Variants in CAPZB observed in about 807,000 individuals in gnomAD.
CAPZB encodes the protein F-actin-capping protein subunit beta.
CAPZB carries 2 observed loss-of-function variants against 38.1 expected under a neutral mutation model. The ratio of observed to expected loss-of-function variants is 0.05; its 90% confidence interval spans 0.02 to 0.17. CAPZB has a LOEUF of 0.17. Among genes scored for constraint, CAPZB ranks in the 10% least tolerant of loss-of-function variants. CAPZB has a pLI of 1.00. For missense variants in CAPZB, 161 were observed against 334.2 expected (o/e 0.48, Z 4.04); for synonymous variants, 107 against 127.4 (o/e 0.84, Z 1.08).
chr1:19,457,502 A>C (rs1471888432), intron 1 of CAPZB, among the ~76,000 whole-genome samples: 1 of 152,200 alleles, frequency 6.6e-6, no homozygotes, highest in Non-Finnish European at 1.5e-5. Context: ...AGCATATTTA[A>C]GCACATGGCT....
At chr1:19,400,244 C>T (rs2094295905) in intron 2 of CAPZB, among the ~76,000 whole-genome samples, 1 of 151,944 alleles carries the variant, frequency 6.6e-6, no homozygotes. Flanking sequence ...TTTCAGTGTG[C>T]CCTTCATGAA....
intron 4 of CAPZB, among the ~76,000 whole-genome samples, chr1:19,366,283 A>AATTATATATATATATATATAT (rs2094085350): frequency 1.7e-5 from 1 of 60,502 alleles, no homozygotes; most frequent in African/African-American, 6.4e-5. Context: ...CGTGTCTTAA[A>AATTATATATATATATATATAT]ATATATATAT....
At chr1:19,444,289 T>C (rs1427189101) in intron 1 of CAPZB, among the ~76,000 whole-genome samples, 7 of 152,160 alleles carry the variant, frequency 4.6e-5, no homozygotes, top group Admixed American at 1.3e-4. Flanking sequence ...GCCCCAGGGC[T>C]TGCCCCTCCA....
chr1:19,431,243 C>T (rs2088829), intron 1 of CAPZB, among the ~76,000 whole-genome samples: 116,155 of 152,164 alleles, frequency 0.76, 44,435 homozygotes, highest in Admixed American at 0.82. Context: ...GAGGCTCCAA[C>T]GAGCATATCA....
At chr1:19,347,689 T>C (rs2093969453) in intron 6 of CAPZB, among the ~76,000 whole-genome samples, 1 of 151,878 alleles carries the variant, frequency 6.6e-6, no homozygotes, top group Non-Finnish European at 1.5e-5. Context: ...GTGTCAAGGG[T>C]TGAGATGGTC....
chr1:19,367,038 G>A (rs753305181), intron 4 of CAPZB, among the ~76,000 whole-genome samples: 6 of 152,330 alleles, frequency 3.9e-5, no homozygotes, highest in Non-Finnish European at 5.9e-5. Flanking sequence ...GTAGACCAAC[G>A]TTCCTTTTTG....
At chr1:19,398,171 G>C (rs1221128765) in intron 2 of CAPZB, among the ~76,000 whole-genome samples, 1 of 152,170 alleles carries the variant, frequency 6.6e-6, no homozygotes, top group Non-Finnish European at 1.5e-5. Context: ...TCTGCTCCAT[G>C]ATGAGGAACT....
At chr1:19,421,805 T>C (rs1307997378) in intron 1 of CAPZB, among the ~76,000 whole-genome samples, 1 of 152,250 alleles carries the variant, frequency 6.6e-6, no homozygotes, top group African/African-American at 2.4e-5. Flanking sequence ...AGTATCTTCC[T>C]TAGAGAGTGA....
chr1:19,425,446 GA>G (rs567669404), intron 1 of CAPZB, among the ~76,000 whole-genome samples: 10 of 149,334 alleles, frequency 6.7e-5, no homozygotes, highest in East Asian at 1.9e-4. Context: ...AATCAGTGTG[GA>G]AAAAAAAAAT....
intron 1 of CAPZB, among the ~76,000 whole-genome samples, chr1:19,455,382 C>G (rs528016150): frequency 6.6e-6 from 1 of 152,346 alleles, no homozygotes; most frequent in South Asian, 2.1e-4. Context: ...TTAAACTTTA[C>G]TTTCTAGAAG....
At chr1:19,463,196 G>A (rs1329961514) in intron 1 of CAPZB, among the ~76,000 whole-genome samples, 2 of 152,184 alleles carry the variant, frequency 1.3e-5, no homozygotes, top group Non-Finnish European at 2.9e-5. Flanking sequence ...ATTATTAGGT[G>A]GCTGCGCGGG....
intron 1 of CAPZB, among the ~76,000 whole-genome samples, chr1:19,468,921 T>C (rs964960727): frequency 6.6e-6 from 1 of 152,218 alleles, no homozygotes; most frequent in Non-Finnish European, 1.5e-5. Context: ...AGACGCCTCC[T>C]TCAATGTACG....
chr1:19,465,187 A>G (rs1444644241), intron 1 of CAPZB, among the ~76,000 whole-genome samples: 2 of 152,192 alleles, frequency 1.3e-5, no homozygotes, highest in Admixed American at 1.3e-4. Context: ...CTCAAAATTC[A>G]TATGCTGAAA....
chr1:19,366,204 T>C (rs1407386023), intron 4 of CAPZB, among the ~76,000 whole-genome samples: 2 of 149,582 alleles, frequency 1.3e-5, no homozygotes, highest in Non-Finnish European at 3.0e-5. Context: ...CCCAGCACTT[T>C]GGGAGGCCAA....
In CAPZB at chr1:19,385,360, G is replaced by T. The variant is rs553011070; in HGVS notation, c.215+145C>A. The T allele has an allele frequency of 5.2e-6, 4 of 772,292 alleles. No homozygotes were observed. In the African/African-American group the frequency reaches 5.2e-5, roughly 10 times the overall value. 47.8% of individuals were successfully genotyped at this position (772,292 alleles called of 1,614,324 possible). A position where few individuals can be genotyped will look rare whatever the true frequency, so the allele number is the denominator to read the frequency against. ...AGAATGGGGAGGACAAGAGAAGAAA[G>T]GAGAGGAGGGCAGGGAACAAACGGA... is the stretch of plus-strand genomic sequence containing the variant. On this transcript the variant is annotated intron_variant, in intron 3 of 8. Coordinates refer to ENST00000264202, the MANE Select transcript of CAPZB (RefSeq NM_004930.5).
chr1:19,380,754 AC>A (rs2094169840), intron 3 of CAPZB, among the ~76,000 whole-genome samples: 1 of 152,006 alleles, frequency 6.6e-6, no homozygotes, highest in Admixed American at 6.6e-5. Flanking sequence ...CAGATAGCTC[AC>A]TCTAGAACCT....
At chr1:19,455,211 T>C (rs1187076735) in intron 1 of CAPZB, among the ~76,000 whole-genome samples, 2 of 152,178 alleles carry the variant, frequency 1.3e-5, no homozygotes, top group South Asian at 2.1e-4. Flanking sequence ...AAGGGGTCCA[T>C]CTAAAAAATA....
chr1:19,404,369 C>T (rs1020077557), intron 2 of CAPZB, among the ~76,000 whole-genome samples: 1 of 151,356 alleles, frequency 6.6e-6, no homozygotes, highest in Non-Finnish European at 1.5e-5. Context: ...ATTGGTAAAA[C>T]CGCATCTCTA....
At chr1:19,447,253 G>C (rs1465458752) in intron 1 of CAPZB, among the ~76,000 whole-genome samples, 4 of 150,418 alleles carry the variant, frequency 2.7e-5, no homozygotes, top group Admixed American at 6.7e-5. Context: ...CAGAGACATT[G>C]GGCAGCACCA....
Sources: gnomAD v4.1 joint callset for allele counts (sites outside exome capture counted in the v4.1 genomes callset) on GRCh38, gnomAD v4.1.1 for gene constraint, MANE v1.5 for transcripts, NCBI Gene and HGNC (gene_info 2026-07-23, HGNC 2026-07-21) for gene names.